RPIA: variants seen among roughly 807,000 people sequenced by gnomAD.
RPIA encodes the protein ribose-5-phosphate isomerase.
A neutral mutation model predicts 37.8 loss-of-function variants in RPIA; 29 were observed. That is an observed-to-expected ratio of 0.77 (90% CI 0.57 to 1.05). RPIA has a LOEUF of 1.05. Among genes scored for constraint, RPIA ranks in the 50% least tolerant of loss-of-function variants. The pLI, the probability that RPIA is intolerant of heterozygous loss-of-function variation, is 0.00. For synonymous variants in RPIA, 167 were observed against 157.0 expected (o/e 1.06, Z -0.48); for missense variants, 385 against 413.6 (o/e 0.93, Z 0.60).
At chr2:88,729,250 C>A in intron 3 of RPIA, 28 bp from the exon 4 acceptor site, 1 of 1,610,670 alleles carries the variant, frequency 6.2e-7, no homozygotes, top group African/African-American at 1.3e-5. Flanking sequence ...AGTAAATGAT[C>A]GTGGTTGCTC....
At chr2:88,726,919 A>C (rs1053397991) in intron 3 of RPIA, among the ~76,000 whole-genome samples, 1 of 152,050 alleles carries the variant, frequency 6.6e-6, no homozygotes. Flanking sequence ...TTGTATTTTT[A>C]GTAGAGATGG....
intron 3 of RPIA, among the ~76,000 whole-genome samples, chr2:88,708,338 G>A (rs1004666449): frequency 6.6e-6 from 1 of 152,146 alleles, no homozygotes; most frequent in Admixed American, 6.5e-5. Context: ...TTCAAGTTTT[G>A]CTGCACAGCA....
intron 3 of RPIA, among the ~76,000 whole-genome samples, chr2:88,713,026 G>A (rs975722298): frequency 2.0e-5 from 3 of 146,702 alleles, no homozygotes; most frequent in East Asian, 2.0e-4. Flanking sequence ...CCGCCACCAC[G>A]CCCAGCTGAT....
At chr2:88,717,398 G>A (rs377180708) in intron 3 of RPIA, among the ~76,000 whole-genome samples, 3 of 152,164 alleles carry the variant, frequency 2.0e-5, no homozygotes, top group East Asian at 3.9e-4. Context: ...TATGCAAGAT[G>A]AACATTGGTT....
At chr2:88,692,689 C>T (rs1416566663) in intron 1 of RPIA, among the ~76,000 whole-genome samples, 3 of 152,184 alleles carry the variant, frequency 2.0e-5, no homozygotes, top group Non-Finnish European at 4.4e-5. Flanking sequence ...AATCAAGTAT[C>T]TTAATTATAA....
At chr2:88,696,115 C>T (rs1401241435) in intron 1 of RPIA, among the ~76,000 whole-genome samples, 1 of 152,056 alleles carries the variant, frequency 6.6e-6, no homozygotes, top group Non-Finnish European at 1.5e-5. Flanking sequence ...GTCCTGAGGG[C>T]CCTTCAGGAC....
In RPIA at chr2:88,750,265, A is replaced by G. The variant is rs1673489452; in HGVS notation, c.*187A>G. ...TATTGTTATTAAATGTCTTTTTAAA[A>G]AGAGAAATATAAACATATATTTTTA... On this transcript the variant is annotated 3_prime_UTR_variant, in exon 9 of 9. Transcript: ENST00000283646. The G allele has an allele frequency of 2.0e-6, 1 of 501,248 alleles. No individual in the cohort carries two copies. Among genetic ancestry groups the G allele is most frequent in the Non-Finnish European group, 3.6e-6 (1 of 279,234 alleles). The allele number at this position is 501,248 out of a possible 1,614,324, so 31.1% of individuals were successfully genotyped here. A position where few individuals can be genotyped will look rare whatever the true frequency, so the allele number is the denominator to read the frequency against.
chr2:88,723,096 G>A (rs899975462), intron 3 of RPIA, among the ~76,000 whole-genome samples: 12 of 152,170 alleles, frequency 7.9e-5, no homozygotes, highest in Non-Finnish European at 1.3e-4. Flanking sequence ...GCTTGGATTT[G>A]ATCAAGTCAG....
intron 8 of RPIA, among the ~76,000 whole-genome samples, chr2:88,747,211 C>G (rs1673448265): frequency 6.6e-6 from 1 of 152,096 alleles, no homozygotes; most frequent in South Asian, 2.1e-4. Context: ...CTGCGTCATA[C>G]AGGCTGCCAG....
At chr2:88,746,403 A>G (rs967088591) in intron 8 of RPIA, among the ~76,000 whole-genome samples, 1 of 152,218 alleles carries the variant, frequency 6.6e-6, no homozygotes, top group African/African-American at 2.4e-5. Flanking sequence ...TTCATTGGAA[A>G]GATCTGGAAC....
At chr2:88,710,497 A>G (rs1283435196) in intron 3 of RPIA, among the ~76,000 whole-genome samples, 1 of 152,172 alleles carries the variant, frequency 6.6e-6, no homozygotes, top group African/African-American at 2.4e-5. Context: ...TTTTATCATT[A>G]CTTCTTTTAG....
chr2:88,700,086 C>T, intron 3 of RPIA, 22 bp downstream of exon 3: 1 of 1,612,120 alleles, frequency 6.2e-7, no homozygotes, highest in South Asian at 1.1e-5. Context: ...TTTCCATCTG[C>T]ATCGTGACAG....
Position 88,727,176 on chromosome 2 carries a change from C to T in RPIA, c.403-2102C>T, listed in dbSNP as rs1673209613. On this transcript the variant is annotated intron_variant, in intron 3 of 8. Transcript: ENST00000283646. ...AGTCTGCAGCCTTACCCCTGCCCTC[C>T]CTCTGCAGCGTTCTCTGTAAACTAA... 2.6e-5 allele frequency among the ~76,000 whole-genome samples: 4 copies of T among 152,214 alleles called. No homozygotes were observed. In the South Asian group the frequency reaches 8.3e-4, roughly 32 times the overall value.
chr2:88,707,672 A>G (rs916614578), intron 3 of RPIA, among the ~76,000 whole-genome samples: 2 of 152,216 alleles, frequency 1.3e-5, no homozygotes, highest in African/African-American at 4.8e-5. Flanking sequence ...TGTGTAGACC[A>G]GTCACAAAAA....
chr2:88,702,108 T>G (rs919980342), intron 3 of RPIA, among the ~76,000 whole-genome samples: 2 of 152,262 alleles, frequency 1.3e-5, no homozygotes, highest in African/African-American at 4.8e-5. Flanking sequence ...TTATAATGTC[T>G]AATTGCTTGT....
chr2:88,734,675 C>A (rs1673294314), intron 5 of RPIA, 59 bp downstream of exon 5: 1 of 1,536,704 alleles, frequency 6.5e-7, no homozygotes, highest in East Asian at 2.2e-5. Flanking sequence ...CTTAGCAAAG[C>A]AAGATGGATA....
chr2:88,734,626 G>T lies in RPIA; in HGVS notation c.527+10G>T. The stretch of plus-strand genomic sequence containing the variant: ...TCATCAAGGGTGGCGGGTGAGTGTT[G>T]TGGGGGCTTCTGTGCTAAAGAGTAT... On this transcript the variant is annotated intron_variant, in intron 5 of 8. Coordinates refer to ENST00000283646, the MANE Select transcript of RPIA (RefSeq NM_144563.3). 1 of 1,614,034 alleles carries T rather than the reference G, an allele frequency of 6.2e-7. No individual in the cohort carries two copies. Among genetic ancestry groups the T allele is most frequent in the East Asian group, 2.2e-5 (1 of 44,878 alleles).
intron 8 of RPIA, among the ~76,000 whole-genome samples, chr2:88,748,316 G>A (rs1407645253): frequency 6.6e-6 from 1 of 152,032 alleles, no homozygotes; most frequent in Non-Finnish European, 1.5e-5. Context: ...CTGAATACCT[G>A]CATGTATTCC....
At chr2:88,736,472 G>T (rs1278567388) in intron 6 of RPIA, 63 bp from the exon 7 acceptor site, 11 of 1,577,662 alleles carry the variant, frequency 7.0e-6, no homozygotes. Context: ...TCCTGAATTT[G>T]GTGTTTGCCT....
Sources: allele counts gnomAD v4.1 joint callset (sites outside exome capture counted in the v4.1 genomes callset), GRCh38; gene constraint gnomAD v4.1.1; transcripts MANE v1.5; gene names NCBI Gene and HGNC (gene_info 2026-07-23, HGNC 2026-07-21).